ATP2C1: variants seen among roughly 807,000 people sequenced by gnomAD.
The protein encoded by ATP2C1 is ATPase secretory pathway Ca2+ transporting 1.
A neutral mutation model predicts 120.5 loss-of-function variants in ATP2C1; 31 were observed. The observed-to-expected ratio is 0.26, with a 90% CI of 0.19 to 0.35. The LOEUF (loss-of-function observed/expected upper bound fraction) is 0.35, where lower values mean the gene tolerates loss of function less well. Among genes scored for constraint, ATP2C1 ranks in the 10% least tolerant of loss-of-function variants. ATP2C1 has a pLI of 1.00. For missense variants in ATP2C1, 731 were observed against 1,107.5 expected (o/e 0.66, Z 4.83); for synonymous variants, 351 against 358.7 (o/e 0.98, Z 0.24).
In ATP2C1 at chr3:130,894,920, A is replaced by G. The variant is rs1325336150; in HGVS notation, c.6+145A>G. On this transcript the variant is annotated intron_variant, in intron 2 of 27. Transcript: ENST00000510168. The surrounding 1 kb of genome is among the most constrained non-coding windows in gnomAD (Gnocchi z 4.5). ...GAAGTGTCCAAGGATTTGCTTACTTAGGGTATCCAGCTTTTATTTTGGTAA... is the reference window on the plus strand; with the variant it reads ...GAAGTGTCCAAGGATTTGCTTACTTGGGGTATCCAGCTTTTATTTTGGTAA... The G allele has an allele frequency of 5.5e-6, 5 of 913,702 alleles. No homozygotes were observed. The East Asian group carries it at 1.2e-4, about 22-fold the overall frequency. 56.6% of individuals were successfully genotyped at this position (913,702 alleles called of 1,614,324 possible).
chr3:130,900,307 T>C (rs1436371820), intron 2 of ATP2C1, among the ~76,000 whole-genome samples: 4 of 152,116 alleles, frequency 2.6e-5, no homozygotes, highest in African/African-American at 7.2e-5. Flanking sequence ...AGCAGTCTTA[T>C]TGCCTTGGCC....
chr3:130,995,486 A>G lies in ATP2C1; in HGVS notation c.2058-557A>G, dbSNP rs551500841. ...GTATTTTCTCTTGTGTGAAGAGACAATGCATGATTTTAATGTTGAAGTATC... is the reference window on the plus strand; with the variant it reads ...GTATTTTCTCTTGTGTGAAGAGACAGTGCATGATTTTAATGTTGAAGTATC... On this transcript the variant is annotated intron_variant, in intron 22 of 27. Transcript: ENST00000510168. Among the ~76,000 whole-genome samples, 132 of 152,286 alleles carry G rather than the reference A, an allele frequency of 8.7e-4. No homozygotes were observed. The Middle Eastern group carries it at 0.017, about 20-fold the overall frequency.
chr3:130,863,217 A>G (rs1028750689), intron 1 of ATP2C1, among the ~76,000 whole-genome samples: 4 of 152,188 alleles, frequency 2.6e-5, no homozygotes, highest in African/African-American at 4.8e-5. Context: ...GAAGTAGAGG[A>G]TGTTCTATTC....
chr3:130,934,918 C>G (rs55651445), intron 5 of ATP2C1, among the ~76,000 whole-genome samples: 2 of 152,002 alleles, frequency 1.3e-5, no homozygotes, highest in East Asian at 3.9e-4. Flanking sequence ...ACTGCAGCCC[C>G]GAACTCCTGG....
chr3:130,923,620 C>G (rs533088466), intron 2 of ATP2C1, among the ~76,000 whole-genome samples: 1 of 152,044 alleles, frequency 6.6e-6, no homozygotes, highest in Admixed American at 6.5e-5. Flanking sequence ...GTAATCCTAG[C>G]ACTTTGGGAG....
chr3:130,851,535 T>A (rs1414672606), intron 1 of ATP2C1, among the ~76,000 whole-genome samples: 2 of 152,212 alleles, frequency 1.3e-5, no homozygotes, highest in Non-Finnish European at 2.9e-5. Flanking sequence ...TAAGCATTTT[T>A]AAAACTGTTA....
At chr3:130,855,277 G>T (rs1034753258) in intron 1 of ATP2C1, among the ~76,000 whole-genome samples, 2 of 152,028 alleles carry the variant, frequency 1.3e-5, no homozygotes, top group Admixed American at 6.6e-5. Context: ...TCAATGCGGG[G>T]AATATGATAT....
chr3:130,885,931 G>T (rs1236857260), intron 1 of ATP2C1, among the ~76,000 whole-genome samples: 1 of 152,122 alleles, frequency 6.6e-6, no homozygotes, highest in Non-Finnish European at 1.5e-5. Context: ...AGGGTTTGTT[G>T]TAAATATTCA....
intron 2 of ATP2C1, among the ~76,000 whole-genome samples, chr3:130,901,778 C>G (rs2057836743): frequency 6.6e-6 from 1 of 152,054 alleles, no homozygotes; most frequent in Admixed American, 6.6e-5. Flanking sequence ...TCATCTTGAA[C>G]AGACTCTGGG....
chr3:130,931,192 A>G (rs1442907075), intron 3 of ATP2C1, among the ~76,000 whole-genome samples: 1 of 152,010 alleles, frequency 6.6e-6, no homozygotes, highest in Non-Finnish European at 1.5e-5. Flanking sequence ...TATTTGTAAT[A>G]TGTTTGTTTT....
At chr3:130,917,359 A>G (rs181668133) in intron 2 of ATP2C1, among the ~76,000 whole-genome samples, 2 of 152,342 alleles carry the variant, frequency 1.3e-5, no homozygotes, top group Admixed American at 6.5e-5. Flanking sequence ...CTACCAGGTA[A>G]AAGACATTTC....
intron 12 of ATP2C1, 185 bp downstream of exon 12, chr3:130,959,526 G>C (rs1019389408): frequency 2.4e-6 from 1 of 410,530 alleles, no homozygotes; most frequent in Non-Finnish European, 4.5e-6. Context: ...GTATGTATAT[G>C]GTAATGAAGA....
chr3:131,001,608 A>G lies in ATP2C1; in HGVS notation c.*258A>G. ...TTATAAAGCATATGGTCAGTTATTT[A>G]ATTAAAAAGGCAAAACCTGAACCAC... On this transcript the variant is annotated 3_prime_UTR_variant, in exon 28 of 28. Transcript: ENST00000510168. 8.8e-7 allele frequency: 1 copy of G among 1,137,844 alleles called. No homozygotes were observed. Among genetic ancestry groups the G allele is most frequent in the South Asian group, 2.4e-5 (1 of 41,262 alleles). 70.5% of individuals were successfully genotyped at this position (1,137,844 alleles called of 1,614,324 possible). A position where few individuals can be genotyped will look rare whatever the true frequency, so the allele number is the denominator to read the frequency against.
At chr3:131,014,123 GT>G in intron 26 of ATP2C1, 3 of 1,611,738 alleles carry the variant, frequency 1.9e-6, no homozygotes, top group Non-Finnish European at 2.5e-6. Context: ...CAAACCGGTT[GT>G]TTCCCTCATA....
intron 4 of ATP2C1, among the ~76,000 whole-genome samples, chr3:130,932,438 T>C (rs943534386): frequency 6.6e-6 from 1 of 152,098 alleles, no homozygotes; most frequent in African/African-American, 2.4e-5. Flanking sequence ...ACTGGCAATA[T>C]TTTTTAAGGT....
chr3:130,885,635 C>T (rs1156638965), intron 1 of ATP2C1, among the ~76,000 whole-genome samples: 1 of 152,058 alleles, frequency 6.6e-6, no homozygotes. Context: ...AAACTCTACA[C>T]TTTAACTTTG....
chr3:130,982,996 T>C (rs754686119), intron 20 of ATP2C1, among the ~76,000 whole-genome samples: 12 of 152,200 alleles, frequency 7.9e-5, no homozygotes, highest in Non-Finnish European at 1.5e-4. Context: ...TACATAACTT[T>C]GGCATTTCTG....
At chr3:130,920,399 A>G (rs144856269) in intron 2 of ATP2C1, among the ~76,000 whole-genome samples, 18 of 152,172 alleles carry the variant, frequency 1.2e-4, no homozygotes, top group African/African-American at 4.3e-4. Context: ...TTAGGTTTTT[A>G]CATGTAGATA....
chr3:130,857,395 C>T (rs374416212), intron 1 of ATP2C1, among the ~76,000 whole-genome samples: 13 of 152,190 alleles, frequency 8.5e-5, no homozygotes, highest in East Asian at 7.7e-4. Context: ...CTAGGTTCAT[C>T]TTTGGTGCTT....
Sources: allele counts gnomAD v4.1 joint callset (sites outside exome capture counted in the v4.1 genomes callset), GRCh38; gene constraint gnomAD v4.1.1; non-coding constraint Gnocchi (gnomAD v3.1); transcripts MANE v1.5; gene names NCBI Gene and HGNC (gene_info 2026-07-23, HGNC 2026-07-21).